ZFHX3: variants seen among roughly 807,000 people sequenced by gnomAD.
ZFHX3 encodes the protein zinc finger homeobox protein 3.
ZFHX3 carries 42 observed loss-of-function variants against 279.1 expected under a neutral mutation model. That is an observed-to-expected ratio of 0.15 (90% CI 0.12 to 0.19). The LOEUF (loss-of-function observed/expected upper bound fraction) is 0.19, where lower values mean the gene tolerates loss of function less well. Among genes scored for constraint, ZFHX3 ranks in the 10% least tolerant of loss-of-function variants. ZFHX3 has a pLI of 1.00. For synonymous variants in ZFHX3, 2,293 were observed against 1,957.8 expected, an observed-to-expected ratio of 1.17 and a Z score of -4.52; for missense variants, 4,981 against 4,754.0, an observed-to-expected ratio of 1.05 and a Z score of -1.40.
chr16:73,195,453 C>T (rs1397850828), intron 5 of ZFHX3, among the ~76,000 whole-genome samples: 2 of 120,184 alleles, frequency 1.7e-5, no homozygotes, highest in African/African-American at 6.6e-5. Context: ...GAGTCTTGCT[C>T]TGTCACCCAG....
chr16:73,634,648 T>C (rs576444966), intron 2 of ZFHX3, among the ~76,000 whole-genome samples: 18 of 152,096 alleles, frequency 1.2e-4, no homozygotes, highest in East Asian at 1.2e-3. Flanking sequence ...ATCTTCTTCA[T>C]AGTGTCTCTT....
intron 7 of ZFHX3, among the ~76,000 whole-genome samples, chr16:73,107,070 A>G (rs1966314757): frequency 6.6e-6 from 1 of 152,148 alleles, no homozygotes; most frequent in Non-Finnish European, 1.5e-5. Flanking sequence ...TAATCCTAGT[A>G]CTTTGGGAGG....
Position 72,957,945 on chromosome 16 carries a change from G to T in ZFHX3, c.2201C>A (p.Ser734Tyr). The change falls in exon 2 of 10, where the codon TCC (serine) becomes TAC (tyrosine). Residue 734 changes from serine to tyrosine, a missense_variant. Physicochemically the swap from Ser to Tyr is moderately radical, Grantham distance 144. This residue lies in a region of ZFHX3 where 39 missense variants were observed against 68.2 expected (regional missense o/e 0.57). Coordinates refer to ENST00000268489, the MANE Select transcript of ZFHX3 (RefSeq NM_006885.4). ...KPFRCEVCNYSTTTKGNLSIH... is the reference protein window; with the variant it reads ...KPFRCEVCNYYTTTKGNLSIH... ...ACTGAGGTTGCCTTTGGTAGTTGTG[G>T]AGTAGTTACACACCTCGCAGCGGAA... 2 of 1,614,180 alleles carry T rather than the reference G, an allele frequency of 1.2e-6. No homozygotes were observed. Among genetic ancestry groups the T allele is most frequent in the Middle Eastern group, 1.6e-4 (1 of 6,062 alleles).
chr16:73,601,649 C>T (rs1451215646), intron 2 of ZFHX3, among the ~76,000 whole-genome samples: 3 of 152,124 alleles, frequency 2.0e-5, no homozygotes, highest in Non-Finnish European at 2.9e-5. Context: ...ATTTCTGATT[C>T]TGTAGCCCAC....
chr16:73,661,723 G>GAAAAAAAAAAAAAAAAAAAAAAAAA (rs112763443), intron 2 of ZFHX3, among the ~76,000 whole-genome samples: 1 of 56,826 alleles, frequency 1.8e-5, no homozygotes. Context: ...CTCCATCTCA[G>GAAAAAAAAAAAAAAAAAAAAAAAAA]AAAAAAAAAA....
chr16:72,795,312 T>A lies in ZFHX3; in HGVS notation c.7370A>T (p.Gln2457Leu). ...QGQPKPELQQ[Q>L]EQPEQKTNTP... is the part of the protein sequence containing the mutation. The stretch of plus-strand genomic sequence containing the variant: ...GTTGGTCTTCTGCTCGGGCTGCTCT[T>A]GCTGCTGCAGCTCTGGCTTTGGTTG... Residue 2457 changes from glutamine to leucine, a missense_variant, in exon 9 of 10, where the codon CAA becomes CTA. Gln to Leu is a moderately radical substitution (Grantham distance 113). Coordinates refer to ENST00000268489, the MANE Select transcript of ZFHX3 (RefSeq NM_006885.4). 1.2e-5 allele frequency: 20 copies of A among 1,614,084 alleles called. No individual in the cohort carries two copies. The highest frequency in any genetic ancestry group is 1.7e-5 in the Non-Finnish European group (20 of 1,180,018).
chr16:73,635,760 CT>C lies in ZFHX3; in HGVS notation c.-1547+44419del, dbSNP rs528042683. Among the ~76,000 whole-genome samples the C allele has an allele frequency of 3.3e-5, 5 of 152,302 alleles. 1 individual carries two copies. In the South Asian group the frequency reaches 1.0e-3, roughly 32 times the overall value. On this transcript the variant is annotated intron_variant, in intron 2 of 17. Coordinates refer to the ZFHX3 transcript ENST00000641206. ...CCATCCATCTCCATCAAATATTCTC[CT>C]TTGTCTTCAACCTTTTTTCCAATAA...
chr16:73,236,941 A>G (rs903469572), intron 5 of ZFHX3, among the ~76,000 whole-genome samples: 2 of 152,226 alleles, frequency 1.3e-5, no homozygotes, highest in African/African-American at 4.8e-5. Flanking sequence ...GAAGACAGCA[A>G]GAAGGCTCCT....
chr16:72,981,518 T>C (rs1962599310), intron 1 of ZFHX3, among the ~76,000 whole-genome samples: 1 of 152,258 alleles, frequency 6.6e-6, no homozygotes. Context: ...GCCATTGTTT[T>C]TGCGCACACT....
intron 2 of ZFHX3, among the ~76,000 whole-genome samples, chr16:73,461,605 G>A (rs1225971572): frequency 1.3e-5 from 2 of 152,132 alleles, no homozygotes; most frequent in Non-Finnish European, 2.9e-5. Flanking sequence ...TTTACCTATG[G>A]AAGTCCACGT....
chr16:73,121,391 CTGTT>C (rs1966497030), intron 7 of ZFHX3, among the ~76,000 whole-genome samples: 1 of 151,992 alleles, frequency 6.6e-6, no homozygotes, highest in African/African-American at 2.4e-5. Flanking sequence ...TTATTTTCAC[CTGTT>C]TGTTTTTACT....
chr16:73,793,419 A>G (rs1492566), intron 1 of ZFHX3, among the ~76,000 whole-genome samples: 1 of 152,094 alleles, frequency 6.6e-6, no homozygotes, highest in Non-Finnish European at 1.5e-5. Flanking sequence ...TCCTTGGCAA[A>G]CATCATCATT....
chr16:73,091,609 G>A (rs2144777748), intron 8 of ZFHX3, among the ~76,000 whole-genome samples: 1 of 152,338 alleles, frequency 6.6e-6, no homozygotes, highest in East Asian at 1.9e-4. Context: ...TGAGGACCCT[G>A]ATATTTGATA....
At chr16:73,635,535 G>C (rs938089200) in intron 2 of ZFHX3, among the ~76,000 whole-genome samples, 3 of 152,198 alleles carry the variant, frequency 2.0e-5, no homozygotes, top group Non-Finnish European at 4.4e-5. Flanking sequence ...TGGGTTGGAA[G>C]TGAAAGAAGC....
chr16:73,133,545 G>A (rs1474127999), intron 6 of ZFHX3, among the ~76,000 whole-genome samples: 3 of 152,168 alleles, frequency 2.0e-5, no homozygotes, highest in African/African-American at 7.2e-5. Context: ...AGGAGATTCG[G>A]ACACAGACAC....
chr16:72,935,008 G>A (rs1819667898), intron 3 of ZFHX3, among the ~76,000 whole-genome samples: 1 of 152,202 alleles, frequency 6.6e-6, no homozygotes, highest in South Asian at 2.1e-4. Context: ...TCAGAATGTA[G>A]CACCTGCAGT....
At chr16:73,759,175 G>T (rs568558374) in intron 1 of ZFHX3, among the ~76,000 whole-genome samples, 52 of 152,276 alleles carry the variant, frequency 3.4e-4, no homozygotes, top group African/African-American at 1.2e-3. Context: ...GAAAGTCTAG[G>T]GTAGGTGTAG....
chr16:73,189,266 G>A (rs1392768323), intron 5 of ZFHX3, among the ~76,000 whole-genome samples: 1 of 152,180 alleles, frequency 6.6e-6, no homozygotes, highest in African/African-American at 2.4e-5. Flanking sequence ...GCCACACCCC[G>A]GGGATTCCAA....
chr16:73,404,488 A>C (rs1377793147), intron 3 of ZFHX3, among the ~76,000 whole-genome samples: 1 of 152,224 alleles, frequency 6.6e-6, no homozygotes, highest in African/African-American at 2.4e-5. Flanking sequence ...AGGAAATTAC[A>C]AGTCTAAGCA....
Sources: gnomAD v4.1 joint callset for allele counts (sites outside exome capture counted in the v4.1 genomes callset) on GRCh38, gnomAD v4.1.1 for gene constraint, gnomAD v4.1.1 regional missense constraint, MANE v1.5 for transcripts, NCBI Gene and HGNC (gene_info 2026-07-23, HGNC 2026-07-21) for gene names.